Variants in SLIT3 observed in about 807,000 individuals in gnomAD.
The protein encoded by SLIT3 is slit homolog 3 protein.
Under a neutral mutation model 184.0 loss-of-function variants are expected in SLIT3, and 68 were observed. The ratio of observed to expected loss-of-function variants is 0.37; its 90% CI spans 0.30 to 0.45. SLIT3 has a LOEUF of 0.45. Among genes scored for constraint, SLIT3 ranks in the 20% least tolerant of loss-of-function variants. SLIT3 has a pLI of 1.00. For synonymous variants in SLIT3, 831 were observed against 828.6 expected (o/e 1.00, Z -0.05); for missense variants, 1,707 against 2,026.0 (o/e 0.84, Z 3.02).
intron 4 of SLIT3, among the ~76,000 whole-genome samples, chr5:168,898,023 C>T (rs1386092110): frequency 6.6e-6 from 1 of 152,342 alleles, no homozygotes; most frequent in East Asian, 1.9e-4. Context: ...AAGCCAGAGA[C>T]AAGGTTTTGG....
At position 169,222,983 on chromosome 5, in the gene SLIT3, T is replaced by C. The variant is rs576046136; in HGVS notation, c.341+21722A>G. ...AAGGTCTGCTTCTCACCGGAGAAACTAGACGCTACATGGAAAATTCCATGC... is the reference window on the plus strand; with the variant it reads ...AAGGTCTGCTTCTCACCGGAGAAACCAGACGCTACATGGAAAATTCCATGC... On this transcript the variant is annotated intron_variant, in intron 3 of 35. Transcript: ENST00000519560. Among the ~76,000 whole-genome samples the C allele has an allele frequency of 5.9e-5, 9 of 152,312 alleles. No individual in the cohort carries two copies. In the South Asian group the frequency reaches 1.7e-3, roughly 28 times the overall value.
rs368233039 is a variant in SLIT3, at chr5:168,774,336, C to G, written c.1194G>C (p.Thr398=). ...ANKINCLRVN[T]FQDLQNLNLL... ...AGTTGAGGTTCTGCAGGTCCTGAAA[C>G]GTGTTCACCCGCAGGCAGTTGATCT... Residue 398 remains threonine, a synonymous_variant, in exon 13 of 36, where the codon ACG becomes ACC. Coordinates refer to ENST00000519560, the MANE Select transcript of SLIT3 (RefSeq NM_003062.4). 2 of 1,613,940 alleles carry G rather than the reference C, an allele frequency of 1.2e-6. No individual in the cohort carries two copies. Among genetic ancestry groups the G allele is most frequent in the Admixed American group, 1.7e-5 (1 of 59,976 alleles).
chr5:169,079,943 G>GA (rs1220846714), intron 4 of SLIT3, among the ~76,000 whole-genome samples: 5 of 149,290 alleles, frequency 3.3e-5, no homozygotes, highest in Admixed American at 1.3e-4. Flanking sequence ...GGAAGAGAGA[G>GA]AAGAGGGAGA....
intron 4 of SLIT3, chr5:169,120,118 C>A (rs1463639903): frequency 6.6e-6 from 1 of 152,158 alleles, no homozygotes; most frequent in African/African-American, 2.4e-5. Flanking sequence ...AAGAGTGCTA[C>A]CTTTTGTCCC....
At chr5:168,982,076 C>T (rs1754968898) in intron 4 of SLIT3, among the ~76,000 whole-genome samples, 2 of 152,180 alleles carry the variant, frequency 1.3e-5, no homozygotes, top group African/African-American at 4.8e-5. Flanking sequence ...ATTTGTAATT[C>T]TTTCCTTTCT....
intron 4 of SLIT3, among the ~76,000 whole-genome samples, chr5:168,943,699 A>T (rs1762389262): frequency 6.6e-6 from 1 of 152,094 alleles, no homozygotes; most frequent in Non-Finnish European, 1.5e-5. Flanking sequence ...GTGAACACAC[A>T]CTCTCTCTAT....
chr5:168,663,335 G>A lies in SLIT3; in HGVS notation c.*3119C>T, dbSNP rs1760933581. 1.3e-5 allele frequency: 2 copies of A among 152,338 alleles called. No individual in the cohort carries two copies. The highest frequency in any genetic ancestry group is 2.9e-5 in the Non-Finnish European group (2 of 68,216). The allele number at this position is 152,338 out of a possible 1,614,324, so 9.4% of individuals were successfully genotyped here. A position where few individuals can be genotyped will look rare whatever the true frequency, so the allele number is the denominator to read the frequency against. ...GGGATGGGGAAATGGAGGTTGGGAA[G>A]GGTGTTGGGCAGATCCCAGGATCCT... On this transcript the variant is annotated 3_prime_UTR_variant, in exon 36 of 36. Transcript: ENST00000519560.
intron 20 of SLIT3, among the ~76,000 whole-genome samples, chr5:168,737,585 C>A (rs774762996): frequency 5.3e-5 from 8 of 152,206 alleles, no homozygotes; most frequent in Non-Finnish European, 1.2e-4. Context: ...ATCCTTCCCC[C>A]CTCTTTTCCT....
At chr5:168,789,030 G>A (rs928433975) in intron 11 of SLIT3, among the ~76,000 whole-genome samples, 1 of 152,060 alleles carries the variant, frequency 6.6e-6, no homozygotes, top group Non-Finnish European at 1.5e-5. Context: ...TGAAGCTTTG[G>A]TTCCAACCAG....
intron 4 of SLIT3, among the ~76,000 whole-genome samples, chr5:169,154,323 C>G (rs1239987620): frequency 6.6e-6 from 1 of 152,178 alleles, no homozygotes; most frequent in Non-Finnish European, 1.5e-5. Context: ...TCATTTTGTT[C>G]TGCTTCTATT....
rs181236022 is a variant in SLIT3 at position 168,792,550 on chromosome 5, C to A, written c.1008-2919G>T. ...TCCAGACTGTTCAGAATAGAGGTGGCAAATTCAAGTGCCTACAAAGGTCAT... is the reference window on the plus strand; with the variant it reads ...TCCAGACTGTTCAGAATAGAGGTGGAAAATTCAAGTGCCTACAAAGGTCAT... On this transcript the variant is annotated intron_variant, in intron 10 of 35. Coordinates refer to ENST00000519560, the MANE Select transcript of SLIT3 (RefSeq NM_003062.4). Among the ~76,000 whole-genome samples, 16 of 152,218 alleles carry A rather than the reference C, an allele frequency of 1.1e-4. No individual in the cohort carries two copies. The East Asian group carries it at 3.1e-3, about 29-fold the overall frequency.
intron 4 of SLIT3, among the ~76,000 whole-genome samples, chr5:168,884,544 TACGAGATATATATATA>T (rs1760102373): frequency 6.1e-5 from 1 of 16,294 alleles, no homozygotes; most frequent in Non-Finnish European, 1.1e-4. Flanking sequence ...TGCTACCAAT[TACGAGATATATATATA>T]TATATATATA....
chr5:168,677,910 C>A (rs1200591711), intron 32 of SLIT3, among the ~76,000 whole-genome samples: 1 of 152,158 alleles, frequency 6.6e-6, no homozygotes, highest in Non-Finnish European at 1.5e-5. Context: ...AAGAACCTGC[C>A]TATGGATTTG....
intron 4 of SLIT3, chr5:169,018,052 G>C (rs1220187210): frequency 2.0e-5 from 3 of 152,242 alleles, no homozygotes; most frequent in Admixed American, 6.5e-5. Context: ...AAGCCTGCAT[G>C]TATCCTATTT....
intron 5 of SLIT3, among the ~76,000 whole-genome samples, chr5:168,869,491 T>A (rs546435016): frequency 2.0e-5 from 3 of 152,224 alleles, no homozygotes; most frequent in Non-Finnish European, 4.4e-5. Context: ...TGACAAAAGC[T>A]TATTGCCTAC....
At chr5:168,752,883 G>C in intron 18 of SLIT3, 72 bp downstream of exon 18, 1 of 1,449,722 alleles carries the variant, frequency 6.9e-7, no homozygotes, top group South Asian at 1.2e-5. Flanking sequence ...AGAGGTAGCA[G>C]GGAGCTGGGA....
intron 1 of SLIT3, among the ~76,000 whole-genome samples, chr5:169,261,992 CT>C (rs554603723): frequency 4.3e-4 from 66 of 152,290 alleles, no homozygotes; most frequent in African/African-American, 1.5e-3. Context: ...AACCTGAAGC[CT>C]TCTAATAGAC....
intron 4 of SLIT3, among the ~76,000 whole-genome samples, chr5:169,109,800 T>C (rs944879068): frequency 1.3e-5 from 2 of 152,180 alleles, no homozygotes; most frequent in South Asian, 4.1e-4. Flanking sequence ...GTTTCCATAT[T>C]GACTTCACTC....
At chr5:168,735,797 AAT>A (rs1763419751) in intron 20 of SLIT3, among the ~76,000 whole-genome samples, 1 of 152,034 alleles carries the variant, frequency 6.6e-6, no homozygotes, top group Non-Finnish European at 1.5e-5. Flanking sequence ...GTATTTCTAA[AAT>A]GAGAATTGGA....
Sources: gnomAD v4.1 joint callset for allele counts (sites outside exome capture counted in the v4.1 genomes callset) on GRCh38, gnomAD v4.1.1 for gene constraint, MANE v1.5 for transcripts, NCBI Gene and HGNC (gene_info 2026-07-23, HGNC 2026-07-21) for gene names.